Variants in FUT9 observed in about 807,000 individuals in gnomAD.
FUT9 encodes the protein 4-galactosyl-N-acetylglucosaminide 3-alpha-L-fucosyltransferase 9.
FUT9 carries 15 observed loss-of-function variants against 29.7 expected under a neutral mutation model. That is an observed-to-expected ratio of 0.51 (90% CI 0.34 to 0.78). FUT9 has a LOEUF of 0.78. FUT9 is among the 30% of genes least tolerant of loss of function. The probability of loss-of-function intolerance (pLI) is 0.01; values close to 1 mark genes in which losing one functional copy is unlikely to be tolerated. For synonymous variants in FUT9, 169 were observed against 153.7 expected (o/e 1.10, Z -0.74); for missense variants, 319 against 425.4 (o/e 0.75, Z 2.20).
At chr6:96,119,997 T>A (rs1376351403) in intron 2 of FUT9, among the ~76,000 whole-genome samples, 2 of 152,164 alleles carry the variant, frequency 1.3e-5, no homozygotes, top group East Asian at 3.8e-4. Flanking sequence ...AGGAGGCAAA[T>A]GCAAAATCAG....
At chr6:96,171,600 T>C (rs1317896127) in intron 2 of FUT9, among the ~76,000 whole-genome samples, 1 of 152,182 alleles carries the variant, frequency 6.6e-6, no homozygotes, top group Non-Finnish European at 1.5e-5. Flanking sequence ...GCTCCGTGCA[T>C]ACCAAGGTGA....
intron 1 of FUT9, among the ~76,000 whole-genome samples, chr6:96,031,152 T>A (rs902028489): frequency 1.3e-5 from 2 of 151,608 alleles, no homozygotes; most frequent in Non-Finnish European, 3.0e-5. Context: ...TAGGTAGGTC[T>A]ACATGTTAGG....
rs531440841 is a variant in FUT9, at chr6:96,148,567, C to G, written c.-9+34440C>G. ...CTGAGTTCTTGATACTTTCATTGAC[C>G]CTATCAAAACACTTAAATGTTCCAA... On this transcript the variant is annotated intron_variant, in intron 2 of 2. Transcript: ENST00000302103. Among the ~76,000 whole-genome samples the G allele has an allele frequency of 3.3e-5, 5 of 152,176 alleles. No homozygotes were observed. The East Asian group carries it at 9.7e-4, about 29-fold the overall frequency.
At chr6:96,041,170 C>G (rs1184286471) in intron 1 of FUT9, among the ~76,000 whole-genome samples, 1 of 151,670 alleles carries the variant, frequency 6.6e-6, no homozygotes, top group Non-Finnish European at 1.5e-5. Flanking sequence ...TCTTCCCCAT[C>G]TAGTAGACTG....
At chr6:96,177,321 C>A (rs1384377752) in intron 2 of FUT9, among the ~76,000 whole-genome samples, 1 of 151,932 alleles carries the variant, frequency 6.6e-6, no homozygotes, top group Admixed American at 6.6e-5. Flanking sequence ...AAATAGATGA[C>A]AAGCCAGCTA....
At chr6:96,032,987 G>C (rs183565992) in intron 1 of FUT9, among the ~76,000 whole-genome samples, 1 of 151,712 alleles carries the variant, frequency 6.6e-6, no homozygotes, top group African/African-American at 2.4e-5. Context: ...GTTTTTGACG[G>C]TTTTTTGATT....
intron 2 of FUT9, among the ~76,000 whole-genome samples, chr6:96,181,486 G>C (rs1167112479): frequency 6.6e-6 from 1 of 151,490 alleles, no homozygotes; most frequent in Non-Finnish European, 1.5e-5. Context: ...GTGGTGTTTG[G>C]TTACATGAGT....
chr6:96,177,633 T>C (rs1022942124), intron 2 of FUT9, among the ~76,000 whole-genome samples: 2 of 152,236 alleles, frequency 1.3e-5, no homozygotes, highest in South Asian at 4.1e-4. Flanking sequence ...TCCAAATAAA[T>C]GAACTTCTCT....
Position 96,209,583 on chromosome 6 carries a change from A to T in FUT9, c.*5348A>T, listed in dbSNP as rs921124157. Reference sequence around the variant, plus strand: ...ATTGATGCAAAAAATTTAGGGAGTCATTGGAAATACCTGAGGCAATCCCAG... The same window carrying T: ...ATTGATGCAAAAAATTTAGGGAGTCTTTGGAAATACCTGAGGCAATCCCAG... On this transcript the variant is annotated 3_prime_UTR_variant, in exon 3 of 3. Transcript: ENST00000302103. 6.0e-6 allele frequency: 1 copy of T among 166,982 alleles called. No homozygotes were observed. The highest frequency in any genetic ancestry group is 2.4e-5 in the African/African-American group (1 of 41,448). The allele number at this position is 166,982 out of a possible 1,614,324, so 10.3% of individuals were successfully genotyped here.
intron 1 of FUT9, among the ~76,000 whole-genome samples, chr6:96,095,081 C>G (rs1230835863): frequency 6.6e-6 from 1 of 152,066 alleles, no homozygotes; most frequent in East Asian, 1.9e-4. Flanking sequence ...GTGGTAAATT[C>G]TTATTTACAC....
chr6:96,071,535 G>T (rs1771058465), intron 1 of FUT9, among the ~76,000 whole-genome samples: 1 of 151,994 alleles, frequency 6.6e-6, no homozygotes, highest in Non-Finnish European at 1.5e-5. Context: ...AAATTGGTTT[G>T]CCCATGGCAA....
chr6:96,089,289 C>T (rs1213397835), intron 1 of FUT9, among the ~76,000 whole-genome samples: 1 of 152,132 alleles, frequency 6.6e-6, no homozygotes, highest in African/African-American at 2.4e-5. Context: ...ATACTTTCCC[C>T]TGAGAATTCT....
intron 2 of FUT9, among the ~76,000 whole-genome samples, chr6:96,116,331 T>C (rs951370259): frequency 6.6e-6 from 1 of 152,232 alleles, no homozygotes; most frequent in Non-Finnish European, 1.5e-5. Context: ...CTTTCATTAC[T>C]GTTGGCAATT....
chr6:96,057,663 C>T (rs1770795704), intron 1 of FUT9, among the ~76,000 whole-genome samples: 1 of 152,068 alleles, frequency 6.6e-6, no homozygotes, highest in Admixed American at 6.6e-5. Context: ...AAATTCTGTG[C>T]CACAATTTTT....
chr6:96,190,953 G>T (rs1335563560), intron 2 of FUT9, among the ~76,000 whole-genome samples: 1 of 152,138 alleles, frequency 6.6e-6, no homozygotes, highest in Non-Finnish European at 1.5e-5. Context: ...CTGATGAGGA[G>T]CTGCGTTCCT....
chr6:96,071,424 A>T (rs1771056496), intron 1 of FUT9, among the ~76,000 whole-genome samples: 1 of 152,244 alleles, frequency 6.6e-6, no homozygotes, highest in Non-Finnish European at 1.5e-5. Context: ...AGAATTTATA[A>T]CAATGTTTAC....
At chr6:96,063,985 C>A (rs2127945230) in intron 1 of FUT9, among the ~76,000 whole-genome samples, 1 of 152,234 alleles carries the variant, frequency 6.6e-6, no homozygotes, top group Admixed American at 6.5e-5. Flanking sequence ...AACCAGTAGT[C>A]TCTTGGTTAC....
At chr6:96,141,263 T>C (rs1772457761) in intron 2 of FUT9, among the ~76,000 whole-genome samples, 1 of 152,220 alleles carries the variant, frequency 6.6e-6, no homozygotes, top group Non-Finnish European at 1.5e-5. Flanking sequence ...TATAGGCTTT[T>C]GTATCATTTT....
Position 96,037,911 on chromosome 6 carries a change from AC to A in FUT9, c.-98+21700del, listed in dbSNP as rs369382165. 5.4e-3 allele frequency among the ~76,000 whole-genome samples: 828 copies of A among 152,206 alleles called. 9 individuals carry two copies. Among genetic ancestry groups the A allele is most frequent in the African/African-American group, 0.019 (772 of 41,546 alleles). ...AATGTGCACAGAAATACTGGCTAAGACTTTAAGCTGGGCTATGATTCTGAAG... is the reference window on the plus strand; with the variant it reads ...AATGTGCACAGAAATACTGGCTAAGATTTAAGCTGGGCTATGATTCTGAAG... On this transcript the variant is annotated intron_variant, in intron 1 of 2. Coordinates refer to ENST00000302103, the MANE Select transcript of FUT9 (RefSeq NM_006581.4).
Sources: gnomAD v4.1 joint callset for allele counts (sites outside exome capture counted in the v4.1 genomes callset) on GRCh38, gnomAD v4.1.1 for gene constraint, MANE v1.5 for transcripts, NCBI Gene and HGNC (gene_info 2026-07-23, HGNC 2026-07-21) for gene names.